Variants in GTF2I observed in about 807,000 individuals in gnomAD.
GTF2I encodes general transcription factor IIi.
In GTF2I, 12 loss-of-function variants were observed where a neutral mutation model predicts 67.6. The observed-to-expected ratio is 0.18, with a 90% CI of 0.11 to 0.29. The LOEUF (loss-of-function observed/expected upper bound fraction) is 0.29, where lower values mean the gene tolerates loss of function less well. GTF2I is among the 10% of genes least tolerant of loss of function. The pLI, the probability that GTF2I is intolerant of heterozygous loss-of-function variation, is 1.00. For missense variants in GTF2I, 271 were observed against 580.1 expected (o/e 0.47, Z 5.47); for synonymous variants, 149 against 197.0 (o/e 0.76, Z 2.04).
intron 1 of GTF2I, among the ~76,000 whole-genome samples, chr7:74,683,473 C>G (rs1330339044): frequency 1.3e-5 from 2 of 152,136 alleles, no homozygotes; most frequent in African/African-American, 4.8e-5. Context: ...ACAGCAGGAA[C>G]ACAAAAGAAT....
intron 3 of GTF2I, among the ~76,000 whole-genome samples, chr7:74,692,816 G>T (rs1788459987): frequency 6.6e-6 from 1 of 152,156 alleles, no homozygotes; most frequent in African/African-American, 2.4e-5. Flanking sequence ...AGGCTAGAGT[G>T]CAATGGTGCG....
Position 74,722,292 on chromosome 7 carries a change from C to T in GTF2I, c.943+3351C>T, listed in dbSNP as rs141700156. Reference sequence around the variant, plus strand: ...GTCGGTGGTAAACATTTAAAACATACGTGACTTAGGTTTGGGAAATCGGCC... The same window carrying T: ...GTCGGTGGTAAACATTTAAAACATATGTGACTTAGGTTTGGGAAATCGGCC... On this transcript the variant is annotated intron_variant, in intron 12 of 34. Transcript: ENST00000573035. Among the ~76,000 whole-genome samples, 161 of 152,206 alleles carry T rather than the reference C, an allele frequency of 1.1e-3. 2 individuals carry two copies. Among genetic ancestry groups the T allele is most frequent in the Non-Finnish European group, 7.2e-4 (49 of 68,014 alleles).
rs4028174 is a variant in GTF2I, at chr7:74,732,142, CAT to C, written c.1121-321_1121-320del. ...ATGTATATATACATATACACATATA[CAT>C]ATATATATATATATACATAAACACA... On this transcript the variant is annotated intron_variant, in intron 14 of 34. Coordinates refer to ENST00000573035, the MANE Select transcript of GTF2I (RefSeq NM_032999.4). 9.9e-4 allele frequency among the ~76,000 whole-genome samples: 144 copies of C among 145,838 alleles called. 1 individual carries two copies. In the South Asian group the frequency reaches 0.014, roughly 14 times the overall value.
rs1432199732 is a variant in GTF2I at position 74,718,806 on chromosome 7, A to G, written c.881-73A>G. ...TAGTAGGCTGCTTTTGGAGTATCAAATCAGTAAAATGTTGGAACATATGGA... is the reference window on the plus strand; with the variant it reads ...TAGTAGGCTGCTTTTGGAGTATCAAGTCAGTAAAATGTTGGAACATATGGA... On this transcript the variant is annotated intron_variant, in intron 11 of 34. Transcript: ENST00000573035. The G allele has an allele frequency of 5.5e-6, 4 of 727,270 alleles. No individual in the cohort carries two copies. In the African/African-American group the frequency reaches 5.5e-5, roughly 10 times the overall value. The allele number at this position is 727,270 out of a possible 1,614,324, so 45.1% of individuals were successfully genotyped here.
chr7:74,688,738 T>C (rs1306491326), intron 1 of GTF2I, among the ~76,000 whole-genome samples: 1 of 152,176 alleles, frequency 6.6e-6, no homozygotes, highest in Admixed American at 6.6e-5. Flanking sequence ...CACTCTTTTG[T>C]GTGTCAGGAT....
intron 14 of GTF2I, among the ~76,000 whole-genome samples, chr7:74,732,077 T>A (rs1466596209): frequency 6.7e-6 from 1 of 148,356 alleles, no homozygotes; most frequent in African/African-American, 2.5e-5. Flanking sequence ...ATGTAATAAA[T>A]GCTTCCTGTG....
At chr7:74,702,185 G>A (rs1201278229) in intron 6 of GTF2I, among the ~76,000 whole-genome samples, 1 of 151,858 alleles carries the variant, frequency 6.6e-6, no homozygotes. Context: ...GGATATTTAC[G>A]TAGGAGTGCA....
In GTF2I at chr7:74,708,676, C is replaced by T. The variant is rs182287136; in HGVS notation, c.685+2243C>T. 1.6e-3 allele frequency among the ~76,000 whole-genome samples: 248 copies of T among 152,262 alleles called. 5 individuals are homozygous for T. The South Asian group carries it at 0.041, about 25-fold the overall frequency. On this transcript the variant is annotated intron_variant, in intron 8 of 34. Coordinates refer to ENST00000573035, the MANE Select transcript of GTF2I (RefSeq NM_032999.4). ...TCTAGCCTTTCTCTCTGTAGTGTAT[C>T]TTTGTGGCAGAGACTCACATGGAGC...
chr7:74,682,724 A>T (rs1366011851), intron 1 of GTF2I, among the ~76,000 whole-genome samples: 1 of 152,230 alleles, frequency 6.6e-6, no homozygotes, highest in Non-Finnish European at 1.5e-5. Context: ...CACTGGGAAC[A>T]ACAGAAATAG....
intron 6 of GTF2I, 22 bp from the exon 7 acceptor site, chr7:74,705,142 A>AT: frequency 8.7e-6 from 13 of 1,486,362 alleles, no homozygotes; most frequent in Non-Finnish European, 1.2e-5. Flanking sequence ...AACTAACTCC[A>AT]ATTTTTTTTT....
chr7:74,686,210 G>A (rs1554395483), intron 1 of GTF2I, among the ~76,000 whole-genome samples: 1 of 152,104 alleles, frequency 6.6e-6, no homozygotes, highest in Non-Finnish European at 1.5e-5. Flanking sequence ...TGGGGGTGGT[G>A]GTTTGCAAAC....
intron 9 of GTF2I, among the ~76,000 whole-genome samples, chr7:74,713,295 G>A (rs1263960765): frequency 6.6e-6 from 1 of 152,158 alleles, no homozygotes; most frequent in Non-Finnish European, 1.5e-5. Context: ...TAGTTTGTAT[G>A]TGCCTAACTA....
chr7:74,676,144 T>TTG (rs1476031869), intron 1 of GTF2I, among the ~76,000 whole-genome samples: 3 of 152,126 alleles, frequency 2.0e-5, no homozygotes, highest in Non-Finnish European at 4.4e-5. Context: ...GTCTTTTAAG[T>TTG]TATCAGCTGT....
intron 1 of GTF2I, among the ~76,000 whole-genome samples, chr7:74,661,224 A>AT (rs1804460933): frequency 6.6e-6 from 1 of 152,168 alleles, no homozygotes; most frequent in South Asian, 2.1e-4. Flanking sequence ...TCCCAGGCTG[A>AT]TTCTGCAGGT....
chr7:74,731,483 G>A (rs1489149260), intron 14 of GTF2I, among the ~76,000 whole-genome samples: 2 of 147,364 alleles, frequency 1.4e-5, no homozygotes, highest in Non-Finnish European at 3.0e-5. Flanking sequence ...GGTTCTCTTA[G>A]TGTTTCTCCC....
chr7:74,717,055 A>C, intron 11 of GTF2I, 105 bp downstream of exon 11: 1 of 1,456,004 alleles, frequency 6.9e-7, no homozygotes, highest in Non-Finnish European at 9.2e-7. Flanking sequence ...ATAAAAGGTG[A>C]TTCCCTTGGT....
intron 1 of GTF2I, among the ~76,000 whole-genome samples, chr7:74,659,021 G>T (rs368752201): frequency 6.6e-6 from 1 of 152,112 alleles, no homozygotes; most frequent in South Asian, 2.1e-4. Flanking sequence ...TTCACAGGTG[G>T]GGTGCTGTTG....
At position 74,707,323 on chromosome 7, in the gene GTF2I, G is replaced by A. The variant is rs1306745301; in HGVS notation, c.685+890G>A. 3.3e-5 allele frequency among the ~76,000 whole-genome samples: 5 copies of A among 152,162 alleles called. No homozygotes were observed. In the East Asian group the frequency reaches 7.7e-4, roughly 23 times the overall value. Reference sequence around the variant, plus strand: ...GGACACTCCTTAGTGGGCTGTCACCGCCCTGCCTGCCCCCTCATCTCCCTC... The same window carrying A: ...GGACACTCCTTAGTGGGCTGTCACCACCCTGCCTGCCCCCTCATCTCCCTC... On this transcript the variant is annotated intron_variant, in intron 8 of 34. Transcript: ENST00000573035.
chr7:74,672,821 C>T (rs1006265443), intron 1 of GTF2I, among the ~76,000 whole-genome samples: 1 of 152,064 alleles, frequency 6.6e-6, no homozygotes, highest in East Asian at 1.9e-4. Flanking sequence ...AAGACAATAT[C>T]GACAACAATG....
Sources: allele counts gnomAD v4.1 joint callset (sites outside exome capture counted in the v4.1 genomes callset), GRCh38; gene constraint gnomAD v4.1.1; transcripts MANE v1.5; gene names NCBI Gene and HGNC (gene_info 2026-07-23, HGNC 2026-07-21).